The following ADAMTS17 variants were observed in gnomAD, a reference collection of about 807,000 sequenced individuals.
The protein encoded by ADAMTS17 is ADAM metallopeptidase with thrombospondin type 1 motif 17.
A neutral mutation model predicts 141.5 loss-of-function variants in ADAMTS17; 113 were observed. The observed-to-expected ratio is 0.80, with a 90% CI of 0.69 to 0.93. The LOEUF (loss-of-function observed/expected upper bound fraction) is 0.93, where lower values mean the gene tolerates loss of function less well. Among genes scored for constraint, ADAMTS17 ranks in the 40% least tolerant of loss-of-function variants. The pLI is 0.00. For synonymous variants in ADAMTS17, 768 were observed against 630.6 expected (o/e 1.22, Z -3.27); for missense variants, 1,659 against 1,517.9 (o/e 1.09, Z -1.54).
chr15:100,055,266 G>T (rs1428556246), intron 15 of ADAMTS17, among the ~76,000 whole-genome samples: 2 of 152,178 alleles, frequency 1.3e-5, no homozygotes, highest in African/African-American at 2.4e-5. Flanking sequence ...ACTGAGGCCA[G>T]AAATAAAATG....
At chr15:100,048,136 G>A (rs1393584484) in intron 18 of ADAMTS17, among the ~76,000 whole-genome samples, 2 of 152,102 alleles carry the variant, frequency 1.3e-5, no homozygotes, top group African/African-American at 2.4e-5. Flanking sequence ...TAAACACCTA[G>A]CCTAGTTAGA....
intron 7 of ADAMTS17, among the ~76,000 whole-genome samples, chr15:100,226,364 G>A (rs549317938): frequency 6.6e-6 from 1 of 152,262 alleles, no homozygotes. Flanking sequence ...AGTCAGCCGG[G>A]GGAAAAGGAG....
intron 6 of ADAMTS17, among the ~76,000 whole-genome samples, chr15:100,254,428 G>C (rs1430163264): frequency 6.6e-6 from 1 of 152,106 alleles, no homozygotes; most frequent in African/African-American, 2.4e-5. Context: ...ACAGTTGCTG[G>C]AAGGACTCCT....
intron 4 of ADAMTS17, among the ~76,000 whole-genome samples, chr15:100,268,550 T>C (rs575263009): frequency 2.0e-5 from 3 of 152,224 alleles, no homozygotes; most frequent in Non-Finnish European, 4.4e-5. Context: ...ATTGCTGATG[T>C]GGAGCATCTT....
intron 8 of ADAMTS17, among the ~76,000 whole-genome samples, chr15:100,191,223 C>T (rs2040904931): frequency 6.6e-6 from 1 of 152,208 alleles, no homozygotes; most frequent in Admixed American, 6.5e-5. Flanking sequence ...GCAAAGGATT[C>T]CTGGGGCAGA....
chr15:100,131,315 C>T (rs371179093), intron 12 of ADAMTS17, among the ~76,000 whole-genome samples: 1 of 146,008 alleles, frequency 6.8e-6, no homozygotes. Context: ...ACGTGTATAC[C>T]TATGGAACAA....
chr15:100,140,502 T>TATATATATATATATATATAC (rs1335620422), intron 10 of ADAMTS17, among the ~76,000 whole-genome samples: 10 of 147,268 alleles, frequency 6.8e-5, no homozygotes, highest in African/African-American at 2.2e-4. Context: ...TATATATATA[T>TATATATATATATATATATAC]ATATATCCAG....
chr15:100,033,044 G>T (rs2030338296), intron 18 of ADAMTS17, among the ~76,000 whole-genome samples: 1 of 152,114 alleles, frequency 6.6e-6, no homozygotes, highest in African/African-American at 2.4e-5. Flanking sequence ...TTCAAGTATT[G>T]TTTTGAGAGA....
At chr15:100,116,460 C>G (rs1300022733) in intron 13 of ADAMTS17, among the ~76,000 whole-genome samples, 1 of 152,248 alleles carries the variant, frequency 6.6e-6, no homozygotes, top group African/African-American at 2.4e-5. Context: ...AGGGATCATC[C>G]ACATTGGAAA....
chr15:99,981,086 C>CA (rs1293512284), intron 20 of ADAMTS17, among the ~76,000 whole-genome samples: 8 of 152,182 alleles, frequency 5.3e-5, no homozygotes, highest in African/African-American at 1.4e-4. Context: ...GCGAGTGGTC[C>CA]AGGGACCCCA....
chr15:100,245,071 G>A (rs896498053), intron 7 of ADAMTS17, among the ~76,000 whole-genome samples: 1 of 152,192 alleles, frequency 6.6e-6, no homozygotes, highest in Non-Finnish European at 1.5e-5. Flanking sequence ...GCCATGAGGC[G>A]TTCCTTGGCC....
intron 7 of ADAMTS17, among the ~76,000 whole-genome samples, chr15:100,215,106 C>A (rs2041929352): frequency 2.0e-5 from 3 of 152,246 alleles, no homozygotes; most frequent in Admixed American, 6.5e-5. Context: ...GACCCCTGCA[C>A]TGTGCCTGGC....
chr15:99,999,694 A>G (rs1055156766), intron 18 of ADAMTS17, among the ~76,000 whole-genome samples: 4 of 152,100 alleles, frequency 2.6e-5, no homozygotes, highest in Non-Finnish European at 4.4e-5. Flanking sequence ...TGAGAGGACC[A>G]CTGGCTCGGT....
chr15:100,174,630 G>C (rs926774635), intron 8 of ADAMTS17, among the ~76,000 whole-genome samples: 1 of 151,998 alleles, frequency 6.6e-6, no homozygotes, highest in South Asian at 2.1e-4. Context: ...ATAGCTTCTT[G>C]CAGTAATCAC....
chr15:100,249,513 G>T (rs561963866), intron 7 of ADAMTS17, among the ~76,000 whole-genome samples: 5 of 152,174 alleles, frequency 3.3e-5, no homozygotes, highest in African/African-American at 7.2e-5. Flanking sequence ...TGGGCTGTTG[G>T]GGGGAGATGG....
At chr15:100,265,343 G>T (rs1271039097) in intron 4 of ADAMTS17, among the ~76,000 whole-genome samples, 1 of 152,232 alleles carries the variant, frequency 6.6e-6, no homozygotes, top group Non-Finnish European at 1.5e-5. Context: ...ATGCTCAGGA[G>T]AAGTCTTGGA....
chr15:100,270,495 C>T (rs1228340998), intron 4 of ADAMTS17, among the ~76,000 whole-genome samples: 2 of 152,034 alleles, frequency 1.3e-5, no homozygotes, highest in Non-Finnish European at 2.9e-5. Context: ...AGCAAATTTG[C>T]CTAGGAATTA....
At chr15:100,092,767 G>T (rs1026637800) in intron 15 of ADAMTS17, among the ~76,000 whole-genome samples, 1 of 152,106 alleles carries the variant, frequency 6.6e-6, no homozygotes, top group Non-Finnish European at 1.5e-5. Context: ...ACGTGAAAAG[G>T]TTCTCGCAAG....
At chr15:100,301,409 C>A (rs2045030408) in intron 3 of ADAMTS17, among the ~76,000 whole-genome samples, 1 of 151,866 alleles carries the variant, frequency 6.6e-6, no homozygotes, top group African/African-American at 2.4e-5. Context: ...ACTGCAAGCT[C>A]CACCTCCCAG....
Sources: gnomAD v4.1 joint callset for allele counts (sites outside exome capture counted in the v4.1 genomes callset) on GRCh38, gnomAD v4.1.1 for gene constraint, MANE v1.5 for transcripts, NCBI Gene and HGNC (gene_info 2026-07-23, HGNC 2026-07-21) for gene names.